PAN3: variants seen among roughly 807,000 people sequenced by gnomAD.
PAN3 encodes PAN2-PAN3 deadenylation complex subunit PAN3.
In PAN3, 19 loss-of-function variants were observed where a neutral mutation model predicts 96.2. That is an observed-to-expected ratio of 0.20 (90% CI 0.14 to 0.29). The LOEUF (loss-of-function observed/expected upper bound fraction) is 0.29, where lower values mean the gene tolerates loss of function less well. Ranked by LOEUF, PAN3 falls within the 10% of genes least tolerant of loss-of-function variation. The pLI is 1.00. For missense variants in PAN3, 882 were observed against 1,108.1 expected (o/e 0.80, Z 2.90); for synonymous variants, 433 against 406.6 (o/e 1.06, Z -0.78).
At chr13:28,171,931 T>C (rs766321258) in intron 1 of PAN3, among the ~76,000 whole-genome samples, 9 of 152,140 alleles carry the variant, frequency 5.9e-5, no homozygotes, top group Middle Eastern at 3.2e-3. Flanking sequence ...GAACAAACGC[T>C]ACTCCTATCA....
chr13:28,194,467 T>TATATATATA (rs1491280126), intron 4 of PAN3, among the ~76,000 whole-genome samples: 11 of 98,980 alleles, frequency 1.1e-4, no homozygotes, highest in African/African-American at 5.3e-4. Context: ...TATATATATA[T>TATATATATA]TTTTTTTTTT....
At chr13:28,213,195 A>T (rs560146056) in intron 5 of PAN3, among the ~76,000 whole-genome samples, 2 of 152,334 alleles carry the variant, frequency 1.3e-5, no homozygotes, top group South Asian at 4.1e-4. Flanking sequence ...AGAATGCCAT[A>T]TAACATTTAT....
Position 28,177,882 on chromosome 13 carries a change from G to C in PAN3, c.637G>C (p.Ala213Pro). The C allele has an allele frequency of 6.2e-7, 1 of 1,613,110 alleles. No homozygotes were observed. Among genetic ancestry groups the C allele is most frequent in the Non-Finnish European group, 8.5e-7 (1 of 1,179,342 alleles). Residue 213 changes from alanine (A) to proline (P), a missense_variant, in exon 4 of 19, where the codon GCT becomes CCT. This residue lies in a region of PAN3 where 442 missense variants were observed against 422.8 expected (regional missense o/e 1.05). Coordinates refer to ENST00000380958, the MANE Select transcript of PAN3 (RefSeq NM_175854.8). ...YSAHDPLTSPASSLFNDFGAL... is the reference protein window; with the variant it reads ...YSAHDPLTSPPSSLFNDFGAL... ...CCTTTCAGATCCTCTAACATCACCTGCTTCATCCTTGTTTAATGACTTTGG... is the reference window on the plus strand; with the variant it reads ...CCTTTCAGATCCTCTAACATCACCTCCTTCATCCTTGTTTAATGACTTTGG...
intron 2 of PAN3, among the ~76,000 whole-genome samples, 187 bp downstream of exon 2, chr13:28,174,580 G>A (rs936840456): frequency 6.6e-6 from 1 of 152,164 alleles, no homozygotes; most frequent in African/African-American, 2.4e-5. Flanking sequence ...GTAAGTGGGG[G>A]TTTGGTAGGG....
intron 5 of PAN3, among the ~76,000 whole-genome samples, chr13:28,201,379 T>A (rs545315737): frequency 6.6e-6 from 1 of 151,972 alleles, no homozygotes; most frequent in Admixed American, 6.6e-5. Flanking sequence ...AATAAAAAAA[T>A]TTTTATAATA....
At chr13:28,140,605 C>T (rs1256485416) in intron 1 of PAN3, among the ~76,000 whole-genome samples, 1 of 152,174 alleles carries the variant, frequency 6.6e-6, no homozygotes, top group Non-Finnish European at 1.5e-5. Flanking sequence ...TGGCCTGGAA[C>T]TCCTGGGCTC....
intron 1 of PAN3, among the ~76,000 whole-genome samples, chr13:28,159,126 C>T (rs576521556): frequency 3.3e-5 from 5 of 152,148 alleles, no homozygotes; most frequent in Admixed American, 6.5e-5. Context: ...AAGGCATATA[C>T]GTTGTTCTGT....
intron 6 of PAN3, among the ~76,000 whole-genome samples, chr13:28,245,122 T>C (rs1280867515): frequency 1.3e-5 from 2 of 152,186 alleles, no homozygotes; most frequent in Admixed American, 6.5e-5. Context: ...GCCGGGATTA[T>C]AGGCATGAGC....
At chr13:28,179,483 G>A (rs1325396084) in intron 4 of PAN3, among the ~76,000 whole-genome samples, 1 of 152,166 alleles carries the variant, frequency 6.6e-6, no homozygotes, top group Non-Finnish European at 1.5e-5. Context: ...GGGAGGCCAA[G>A]GCGGGAGAAT....
intron 9 of PAN3, 47 bp downstream of exon 9, chr13:28,261,505 T>C (rs1885716563): frequency 3.3e-6 from 5 of 1,521,422 alleles, no homozygotes; most frequent in Non-Finnish European, 4.5e-6. Flanking sequence ...CTGTTATAAT[T>C]CTTACGTGGT....
intron 2 of PAN3, among the ~76,000 whole-genome samples, chr13:28,175,377 G>A (rs1874836283): frequency 6.6e-6 from 1 of 152,196 alleles, no homozygotes. Flanking sequence ...AGCCTCCTGA[G>A]TAGGTAGGAC....
chr13:28,219,393 G>T (rs191895624), intron 5 of PAN3, among the ~76,000 whole-genome samples: 2 of 151,650 alleles, frequency 1.3e-5, no homozygotes, highest in Admixed American at 1.3e-4. Context: ...CTGGTGACTT[G>T]TTACCTTCCA....
At chr13:28,177,991 A>G (rs1167659923) in intron 4 of PAN3, 56 bp downstream of exon 4, 4 of 1,469,250 alleles carry the variant, frequency 2.7e-6, no homozygotes, top group Admixed American at 1.7e-5. Flanking sequence ...TGATGTTGGC[A>G]TTGTTACCTA....
intron 1 of PAN3, among the ~76,000 whole-genome samples, chr13:28,157,904 C>T (rs1392857487): frequency 6.6e-6 from 1 of 152,140 alleles, no homozygotes; most frequent in South Asian, 2.1e-4. Context: ...CAAAGCAATC[C>T]TACACAAAAA....
intron 18 of PAN3, among the ~76,000 whole-genome samples, chr13:28,288,828 ATT>A (rs756889416): frequency 6.5e-5 from 8 of 123,718 alleles, no homozygotes; most frequent in Admixed American, 8.9e-5. Context: ...TTAACTATAG[ATT>A]TTTTTTTTTT....
At position 28,138,954 on chromosome 13, in the gene PAN3, G is replaced by C. The variant is rs1869186558; in HGVS notation, c.297G>C (p.Pro99=). 2.3e-6 allele frequency: 3 copies of C among 1,310,406 alleles called. No individual in the cohort carries two copies. Among genetic ancestry groups the C allele is most frequent in the Non-Finnish European group, 2.9e-6 (3 of 1,030,664 alleles). The allele number at this position is 1,310,406 out of a possible 1,614,324, so 81.2% of individuals were successfully genotyped here. ...CTGGTGCACCCGTGGCCGGCTTTCC[G>C]CCGGGAGCCGTCGCGGGCGGGGGAG... The part of the protein sequence containing the change: ...ALAGAPVAGF[P]PGAVAGGGAG... Residue 99 remains proline (P), a synonymous_variant, in exon 1 of 19, where the codon CCG becomes CCC. Transcript: ENST00000380958.
At chr13:28,181,642 T>A (rs1875803797) in intron 4 of PAN3, among the ~76,000 whole-genome samples, 1 of 152,168 alleles carries the variant, frequency 6.6e-6, no homozygotes, top group African/African-American at 2.4e-5. Flanking sequence ...ATGTATGCCT[T>A]AGGGCAGTAC....
intron 6 of PAN3, among the ~76,000 whole-genome samples, chr13:28,235,506 C>T (rs987062839): frequency 3.3e-5 from 5 of 152,000 alleles, no homozygotes; most frequent in East Asian, 1.9e-4. Context: ...CCTTATGTTG[C>T]CTGGAAGGCT....
intron 4 of PAN3, among the ~76,000 whole-genome samples, chr13:28,184,180 A>G (rs1462912911): frequency 6.6e-6 from 1 of 152,204 alleles, no homozygotes; most frequent in Non-Finnish European, 1.5e-5. Context: ...GGTTTCTTGC[A>G]ACATAATTGC....
Sources: allele counts gnomAD v4.1 joint callset (sites outside exome capture counted in the v4.1 genomes callset), GRCh38; gene constraint gnomAD v4.1.1; regional missense constraint gnomAD v4.1.1; transcripts MANE v1.5; gene names NCBI Gene and HGNC (gene_info 2026-07-23, HGNC 2026-07-21).